RCOR1: variants seen among roughly 807,000 people sequenced by gnomAD.
The protein encoded by RCOR1 is REST corepressor.
In RCOR1, 12 loss-of-function variants were observed where a neutral mutation model predicts 64.0. The ratio of observed to expected loss-of-function variants is 0.19; its 90% CI spans 0.12 to 0.30. The LOEUF (loss-of-function observed/expected upper bound fraction) is 0.30, where lower values mean the gene tolerates loss of function less well. Ranked by LOEUF, RCOR1 falls within the 10% of genes least tolerant of loss-of-function variation. The pLI is 1.00. For synonymous variants in RCOR1, 279 were observed against 227.2 expected (o/e 1.23, Z -2.05); for missense variants, 502 against 621.2 (o/e 0.81, Z 2.04).
At chr14:102,604,619 G>C (rs150036814) in intron 2 of RCOR1, among the ~76,000 whole-genome samples, 2 of 152,184 alleles carry the variant, frequency 1.3e-5, no homozygotes, top group Non-Finnish European at 2.9e-5. Context: ...AATCCAGTCC[G>C]AGAGGCCCTC....
At chr14:102,723,311 C>T (rs927407832) in intron 11 of RCOR1, among the ~76,000 whole-genome samples, 18 of 152,316 alleles carry the variant, frequency 1.2e-4, no homozygotes, top group Admixed American at 3.9e-4. Context: ...CTGGAAACAG[C>T]CCAGAAGGCC....
At chr14:102,676,880 A>C (rs1300368169) in intron 2 of RCOR1, among the ~76,000 whole-genome samples, 2 of 95,706 alleles carry the variant, frequency 2.1e-5, no homozygotes, top group South Asian at 3.9e-4. Flanking sequence ...TCCCTCCTGG[A>C]CGGGGCGGCT....
chr14:102,724,389 A>G (rs940159265), intron 11 of RCOR1, among the ~76,000 whole-genome samples: 9 of 151,876 alleles, frequency 5.9e-5, no homozygotes, highest in African/African-American at 1.7e-4. Context: ...CAGTGGCTCA[A>G]TCTCGGCTCA....
At chr14:102,694,098 G>A (rs1895595374) in intron 3 of RCOR1, among the ~76,000 whole-genome samples, 1 of 152,034 alleles carries the variant, frequency 6.6e-6, no homozygotes, top group Non-Finnish European at 1.5e-5. Flanking sequence ...GAGAGATCTT[G>A]AAAAATGCAC....
At chr14:102,725,788 C>T (rs1292166727) in intron 11 of RCOR1, among the ~76,000 whole-genome samples, 1 of 151,918 alleles carries the variant, frequency 6.6e-6, no homozygotes, top group African/African-American at 2.4e-5. Flanking sequence ...CCAGGCTGGT[C>T]TCGAATTCCT....
chr14:102,726,394 A>T (rs1896263306), intron 11 of RCOR1, 74 bp from the exon 12 acceptor site: 1 of 1,355,486 alleles, frequency 7.4e-7, no homozygotes, highest in Non-Finnish European at 1.0e-6. Context: ...TCTTTTCAGT[A>T]CACTGGAAAT....
intron 2 of RCOR1, among the ~76,000 whole-genome samples, chr14:102,604,630 A>T (rs975651993): frequency 4.6e-5 from 7 of 152,208 alleles, no homozygotes; most frequent in African/African-American, 1.7e-4. Flanking sequence ...AGAGGCCCTC[A>T]GCTGTAAGAG....
At chr14:102,662,740 G>A (rs1894849527) in intron 2 of RCOR1, 1 of 378,656 alleles carries the variant, frequency 2.6e-6, no homozygotes, top group Non-Finnish European at 5.1e-6. Flanking sequence ...CTTTTAATGT[G>A]TACAGTTTCC....
At chr14:102,679,739 A>G (rs1260443957) in intron 2 of RCOR1, among the ~76,000 whole-genome samples, 1 of 152,032 alleles carries the variant, frequency 6.6e-6, no homozygotes, top group Non-Finnish European at 1.5e-5. Context: ...CGGCCTCCCA[A>G]AGTGCTGGGA....
At chr14:102,594,459 T>C (rs1360468039) in intron 2 of RCOR1, among the ~76,000 whole-genome samples, 2 of 152,196 alleles carry the variant, frequency 1.3e-5, no homozygotes, top group Non-Finnish European at 2.9e-5. Flanking sequence ...GTTATTAAGG[T>C]ACTAAACTGC....
intron 2 of RCOR1, among the ~76,000 whole-genome samples, chr14:102,596,811 C>G (rs1017527684): frequency 3.3e-5 from 5 of 151,396 alleles, no homozygotes; most frequent in African/African-American, 4.9e-5. Context: ...GTGATCTCCC[C>G]GCCTTGTCCT....
chr14:102,704,719 C>T (rs1298296449), intron 4 of RCOR1, among the ~76,000 whole-genome samples: 4 of 152,226 alleles, frequency 2.6e-5, no homozygotes, highest in South Asian at 2.1e-4. Flanking sequence ...CGTGAGCCAC[C>T]GCGCCCAGCC....
At chr14:102,647,504 G>A (rs1057230170) in intron 2 of RCOR1, among the ~76,000 whole-genome samples, 18 of 151,702 alleles carry the variant, frequency 1.2e-4, no homozygotes, top group African/African-American at 4.4e-4. Context: ...TTTTAGTAGA[G>A]ACGGGGTTTC....
intron 2 of RCOR1, among the ~76,000 whole-genome samples, chr14:102,629,742 C>T (rs530888325): frequency 6.7e-4 from 102 of 152,244 alleles, no homozygotes; most frequent in Non-Finnish European, 1.2e-3. Context: ...CACGTGTGTG[C>T]GAGTCTGCAT....
chr14:102,649,669 C>A, intron 2 of RCOR1: 1 of 372,834 alleles, frequency 2.7e-6, no homozygotes, highest in Non-Finnish European at 3.7e-6. Flanking sequence ...AAGACCTCCA[C>A]TGAAGCAGTT....
chr14:102,596,320 C>G (rs1041108411), intron 2 of RCOR1, among the ~76,000 whole-genome samples: 5 of 152,070 alleles, frequency 3.3e-5, no homozygotes, highest in African/African-American at 1.2e-4. Flanking sequence ...TCAGGCTGGT[C>G]TGGAACTCCT....
At chr14:102,724,758 G>C (rs1224162864) in intron 11 of RCOR1, among the ~76,000 whole-genome samples, 1 of 152,150 alleles carries the variant, frequency 6.6e-6, no homozygotes, top group Non-Finnish European at 1.5e-5. Flanking sequence ...GCTTCTCTGT[G>C]TCCAAGGGCC....
chr14:102,624,694 A>T (rs1318010164), intron 2 of RCOR1, among the ~76,000 whole-genome samples: 1 of 151,444 alleles, frequency 6.6e-6, no homozygotes, highest in African/African-American at 2.4e-5. Context: ...TGAGCCTAGG[A>T]GGTCGAGGTT....
chr14:102,609,241 A>G (rs2139887781), intron 2 of RCOR1, among the ~76,000 whole-genome samples: 1 of 149,258 alleles, frequency 6.7e-6, no homozygotes, highest in Non-Finnish European at 1.5e-5. Flanking sequence ...AGATGGAGAA[A>G]CATGTTGGCC....
Sources: allele counts gnomAD v4.1 joint callset (sites outside exome capture counted in the v4.1 genomes callset), GRCh38; gene constraint gnomAD v4.1.1; transcripts MANE v1.5; gene names NCBI Gene and HGNC (gene_info 2026-07-23, HGNC 2026-07-21).